Variants in WSB1 observed in about 807,000 individuals in gnomAD.
WSB1 encodes WD repeat and SOCS box-containing protein 1.
A neutral mutation model predicts 50.2 loss-of-function variants in WSB1; 23 were observed. That is an observed-to-expected ratio of 0.46 (90% CI 0.33 to 0.65). The LOEUF is 0.65. Among genes scored for constraint, WSB1 ranks in the 30% least tolerant of loss-of-function variants. The probability of loss-of-function intolerance (pLI) is 0.02; values close to 1 mark genes in which losing one functional copy is unlikely to be tolerated. For missense variants in WSB1, 492 were observed against 522.3 expected, an observed-to-expected ratio of 0.94 and a Z score of 0.56; for synonymous variants, 179 against 172.0, an observed-to-expected ratio of 1.04 and a Z score of -0.32.
At position 27,302,429 on chromosome 17, in the gene WSB1, AG is replaced by A. The variant is rs1321020967; in HGVS notation, c.209+474del. The A allele has an allele frequency of 3.4e-4, 52 of 152,386 alleles. 1 individual carries two copies. Among genetic ancestry groups the A allele is most frequent in the African/African-American group, 1.2e-3 (48 of 41,166 alleles). The allele number at this position is 152,386 out of a possible 1,614,324, so 9.4% of individuals were successfully genotyped here. ...ATGTCTCAAAAAAAAAAAAAAAAAA[AG>A]AATTGTCTGGTGTTATTTATACATT... On this transcript the variant is annotated intron_variant, in intron 2 of 8. Coordinates refer to ENST00000262394, the MANE Select transcript of WSB1 (RefSeq NM_015626.10).
chr17:27,302,255 A>C (rs892472329), intron 2 of WSB1, among the ~76,000 whole-genome samples: 1 of 152,064 alleles, frequency 6.6e-6, no homozygotes, highest in Non-Finnish European at 1.5e-5. Context: ...TACTGAAAAT[A>C]CAAGAACTAG....
chr17:27,300,196 A>G (rs1308586779), intron 1 of WSB1, among the ~76,000 whole-genome samples: 3 of 123,374 alleles, frequency 2.4e-5, no homozygotes. Context: ...CAGGTTCTCT[A>G]GCTATATCAG....
In WSB1 at chr17:27,315,843, T is replaced by G. The variant is rs369886669; in HGVS notation, c.*3474T>G. On this transcript the variant is annotated 3_prime_UTR_variant, in exon 9 of 9. Coordinates refer to ENST00000262394, the MANE Select transcript of WSB1 (RefSeq NM_015626.10). Reference sequence around the variant, plus strand: ...CATAGAAAAAGCATAAGTTGGAGTATACTGGGTTTTTTTGTTGTTGTTAAA... The same window carrying G: ...CATAGAAAAAGCATAAGTTGGAGTAGACTGGGTTTTTTTGTTGTTGTTAAA... 6.6e-6 allele frequency: 1 copy of G among 152,252 alleles called. No individual in the cohort carries two copies. 9.4% of individuals were successfully genotyped at this position (152,252 alleles called of 1,614,324 possible).
intron 5 of WSB1, chr17:27,307,290 A>G (rs75411572): frequency 4.8e-6 from 1 of 206,732 alleles, no homozygotes; most frequent in African/African-American, 2.4e-5. Context: ...CTGAAAAAAA[A>G]GTAACTTAAA....
chr17:27,295,739 C>T (rs145189708), intron 1 of WSB1, among the ~76,000 whole-genome samples: 41 of 152,214 alleles, frequency 2.7e-4, no homozygotes, highest in African/African-American at 9.2e-4. Context: ...CTTTAGTACA[C>T]CATAATGTTA....
chr17:27,297,470 A>G (rs553277823), intron 1 of WSB1, among the ~76,000 whole-genome samples: 53 of 142,526 alleles, frequency 3.7e-4, no homozygotes, highest in Non-Finnish European at 7.0e-4. Context: ...CCCCCGGCCT[A>G]CTCTTTTTTT....
chr17:27,304,537 A>G (rs1409272577), intron 3 of WSB1, among the ~76,000 whole-genome samples: 6 of 52,766 alleles, frequency 1.1e-4, no homozygotes, highest in African/African-American at 3.3e-4. Context: ...CATCTCTCCA[A>G]AAAAAAAAAA....
rs777019230 is a variant in WSB1, at chr17:27,312,252, G to T, written c.1149G>T (p.Gln383His). 11 of 1,613,908 alleles carry T rather than the reference G, an allele frequency of 6.8e-6. No individual in the cohort carries two copies. The highest frequency in any genetic ancestry group is 1.6e-4 in the Middle Eastern group (1 of 6,084). ...TGTATTTTTGGGCCACTCCACGGCAGGTCCCTAGCCTGCAACATTTATGTC... is the reference window on the plus strand; with the variant it reads ...TGTATTTTTGGGCCACTCCACGGCATGTCCCTAGCCTGCAACATTTATGTC... ...GSVYFWATPRQVPSLQHLCRM... is the reference protein window; with the variant it reads ...GSVYFWATPRHVPSLQHLCRM... Residue 383 changes from glutamine (Q) to histidine (H), a missense_variant, in exon 9 of 9, where the codon CAG becomes CAT. Physicochemically the swap from Gln to His is conservative, Grantham distance 24. Coordinates refer to ENST00000262394, the MANE Select transcript of WSB1 (RefSeq NM_015626.10).
Position 27,295,185 on chromosome 17 carries a change from TTTAAAG to T in WSB1, c.40+752_40+757del, listed in dbSNP as rs2016902135. The stretch of plus-strand genomic sequence containing the variant: ...GCACGTCGCATTATTTAAATCCTCT[TTTAAAG>T]TAAAATAACTGGAACAACGTTTGAC... On this transcript the variant is annotated intron_variant, in intron 1 of 8. Coordinates refer to ENST00000262394, the MANE Select transcript of WSB1 (RefSeq NM_015626.10). 2.0e-5 allele frequency among the ~76,000 whole-genome samples: 3 copies of T among 152,208 alleles called. No individual in the cohort carries two copies. In the South Asian group the frequency reaches 6.2e-4, roughly 31 times the overall value.
At chr17:27,303,329 A>T (rs760477723) in intron 2 of WSB1, 38 bp from the exon 3 acceptor site, 1 of 1,604,332 alleles carries the variant, frequency 6.2e-7, no homozygotes, top group Non-Finnish European at 8.5e-7. Context: ...TCCAGAGTGA[A>T]TAATAATACA....
In WSB1 at chr17:27,315,615, A is replaced by G. The variant is rs1267434734; in HGVS notation, c.*3246A>G. Reference sequence around the variant, plus strand: ...ACAGGCGTAAGAAAATAGCATGAGAAGTTTCACGAGCCTGAAACCATTGAG... The same window carrying G: ...ACAGGCGTAAGAAAATAGCATGAGAGGTTTCACGAGCCTGAAACCATTGAG... On this transcript the variant is annotated 3_prime_UTR_variant, in exon 9 of 9. Coordinates refer to ENST00000262394, the MANE Select transcript of WSB1 (RefSeq NM_015626.10). 1 of 152,224 alleles carries G rather than the reference A, an allele frequency of 6.6e-6. No individual in the cohort carries two copies. 9.4% of individuals were successfully genotyped at this position (152,224 alleles called of 1,614,324 possible).
At chr17:27,312,068 T>G in intron 8 of WSB1, 142 bp from the exon 9 acceptor site, 1 of 975,546 alleles carries the variant, frequency 1.0e-6, no homozygotes, top group Non-Finnish European at 1.5e-6. Flanking sequence ...GAATACATCA[T>G]TGGTTAGTTC....
chr17:27,313,214 CAAAG>C lies in WSB1; in HGVS notation c.*848_*851del, dbSNP rs905896830. Reference sequence around the variant, plus strand: ...ATGTGACGTTATTTAAAAACAACAACAAAGAAGGCAGAGCCAGGATATAACTAGA... The same window carrying C: ...ATGTGACGTTATTTAAAAACAACAACAAGGCAGAGCCAGGATATAACTAGA... On this transcript the variant is annotated 3_prime_UTR_variant, in exon 9 of 9. Coordinates refer to ENST00000262394, the MANE Select transcript of WSB1 (RefSeq NM_015626.10). The C allele has an allele frequency of 6.6e-6, 1 of 150,390 alleles. No individual in the cohort carries two copies. Among genetic ancestry groups the C allele is most frequent in the African/African-American group, 2.4e-5 (1 of 40,932 alleles). 9.3% of individuals were successfully genotyped at this position (150,390 alleles called of 1,614,324 possible). A position where few individuals can be genotyped will look rare whatever the true frequency, so the allele number is the denominator to read the frequency against.
chr17:27,297,937 G>A (rs1420161072), intron 1 of WSB1, among the ~76,000 whole-genome samples: 2 of 152,006 alleles, frequency 1.3e-5, no homozygotes, highest in South Asian at 2.1e-4. Context: ...GTGAAACTCC[G>A]TCTCTGCTAA....
Position 27,308,191 on chromosome 17 carries a change from G to A in WSB1, c.712-909G>A, listed in dbSNP as rs116624685. 6.3e-4 allele frequency: 619 copies of A among 982,814 alleles called. 2 individuals are homozygous for A. In the African/African-American group the frequency reaches 0.01, roughly 17 times the overall value. 60.9% of individuals were successfully genotyped at this position (982,814 alleles called of 1,614,324 possible). ...GTACTTATTTTCTTTTAGAAATAAT[G>A]TATTGTGTCTGTGCAGAAAAAAAAA... On this transcript the variant is annotated intron_variant, in intron 5 of 8. Coordinates refer to ENST00000262394, the MANE Select transcript of WSB1 (RefSeq NM_015626.10).
intron 1 of WSB1, chr17:27,297,099 GTTA>G (rs1158177644): frequency 1.3e-5 from 2 of 151,802 alleles, no homozygotes; most frequent in Non-Finnish European, 2.9e-5. Context: ...TTATAAATAT[GTTA>G]TTATTTCATT....
intron 4 of WSB1, 116 bp from the exon 5 acceptor site, chr17:27,306,666 T>C: frequency 5.3e-6 from 5 of 950,372 alleles, no homozygotes; most frequent in Admixed American, 2.5e-5. Context: ...ACCCTTGTTA[T>C]AGATAAATTG....
At chr17:27,297,052 C>G (rs1373349785) in intron 1 of WSB1, 1 of 152,004 alleles carries the variant, frequency 6.6e-6, no homozygotes, top group Non-Finnish European at 1.5e-5. Context: ...TTTATAATGG[C>G]TCTATTTCTT....
At chr17:27,300,546 G>A (rs2017181682) in intron 1 of WSB1, among the ~76,000 whole-genome samples, 1 of 152,074 alleles carries the variant, frequency 6.6e-6, no homozygotes, top group South Asian at 2.1e-4. Context: ...CAAAATTTGA[G>A]TAATCTGAAT....
Sources: gnomAD v4.1 joint callset for allele counts (sites outside exome capture counted in the v4.1 genomes callset) on GRCh38, gnomAD v4.1.1 for gene constraint, MANE v1.5 for transcripts, NCBI Gene and HGNC (gene_info 2026-07-23, HGNC 2026-07-21) for gene names.